PRTN3: variants seen among roughly 807,000 people sequenced by gnomAD.
PRTN3 encodes the protein proteinase 3.
Under a neutral mutation model 20.7 loss-of-function variants are expected in PRTN3, and 22 were observed. That is an observed-to-expected ratio of 1.06 (90% confidence interval 0.76 to 1.52). The LOEUF (loss-of-function observed/expected upper bound fraction) is 1.52. Among genes scored for constraint, PRTN3 ranks in the 40% most tolerant of loss-of-function variants. The probability of loss-of-function intolerance (pLI) is 0.00; values close to 1 mark genes in which losing one functional copy is unlikely to be tolerated. For missense variants in PRTN3, 378 were observed against 359.6 expected, an observed-to-expected ratio of 1.05 and a Z score of -0.41; for synonymous variants, 173 against 152.9, an observed-to-expected ratio of 1.13 and a Z score of -0.97.
At chr19:846,021 C>A in intron 3 of PRTN3, 126 bp from the exon 4 acceptor site, 1 of 600,434 alleles carries the variant, frequency 1.7e-6, no homozygotes, top group Non-Finnish European at 2.8e-6. Context: ...TCGTGGGGCC[C>A]AGGCGGAGGG....
Position 846,359 on chromosome 19 carries a change from C to T in PRTN3, c.582C>T (p.Arg194=). 6.4e-7 allele frequency: 1 copy of T among 1,558,374 alleles called. No individual in the cohort carries two copies. Among genetic ancestry groups the T allele is most frequent in the Non-Finnish European group, 8.7e-7 (1 of 1,152,042 alleles). ...ACATTTGCACTTTCGTCCCTCGCCG[C>T]AAGGCCGGCATCTGCTTCGTAAGTA... ...PHNICTFVPR[R]KAGICFGDSG... The change falls in exon 4 of 5, where the codon CGC becomes CGT. Residue 194 remains arginine, a synonymous_variant. Coordinates refer to ENST00000234347, the MANE Select transcript of PRTN3 (RefSeq NM_002777.4).
At chr19:845,173 C>T (rs1290384778) in intron 3 of PRTN3, among the ~76,000 whole-genome samples, 1 of 151,884 alleles carries the variant, frequency 6.6e-6, no homozygotes, top group South Asian at 2.1e-4. Context: ...GTCTCGAACT[C>T]CTGACCTCAA....
At chr19:843,203 A>C (rs1016438966) in intron 1 of PRTN3, 1 of 516,098 alleles carries the variant, frequency 1.9e-6, no homozygotes, top group Admixed American at 3.6e-5. Context: ...GGCGTGAGCC[A>C]CTGCACCCAG....
In PRTN3 at chr19:842,751, C is replaced by T. The variant is rs2035462695; in HGVS notation, c.62-710C>T. Among the ~76,000 whole-genome samples, 8 of 151,712 alleles carry T rather than the reference C, an allele frequency of 5.3e-5. No individual in the cohort carries two copies. In the South Asian group the frequency reaches 1.5e-3, roughly 28 times the overall value. ...TACAGGCACGTGCCACCACGCCCAG[C>T]TAATGTTTGTATTTTTAGTAGAGAC... is the stretch of plus-strand genomic sequence containing the variant. On this transcript the variant is annotated intron_variant, in intron 1 of 4. Transcript: ENST00000234347.
In PRTN3 at chr19:846,268, A is replaced by G; in HGVS notation, c.491A>G (p.Asp164Gly). The G allele has an allele frequency of 1.3e-6, 2 of 1,575,380 alleles. No homozygotes were observed. Among genetic ancestry groups the G allele is most frequent in the Non-Finnish European group, 8.6e-7 (1 of 1,161,890 alleles). ...AMGWGRVGAH[D>G]PPAQVLQELN... ...GGCTGGGGCCGCGTGGGTGCCCACG[A>G]CCCCCCAGCCCAGGTCCTGCAGGAG... Residue 164 changes from aspartate to glycine, a missense_variant, in exon 4 of 5, where the codon GAC becomes GGC. Physicochemically the swap from Asp to Gly is moderately conservative, Grantham distance 94. Transcript: ENST00000234347.
Position 847,555 on chromosome 19 carries a change from A to AAGAGAG in PRTN3, c.601-222_601-217dup, listed in dbSNP as rs145629657. ...AGAAAGAAAGAAAGAAAGAAAAAGA[A>AAGAGAG]AGAGAGAGAGAGAGAGAGAGAGAGA... On this transcript the variant is annotated intron_variant, in intron 4 of 4. Coordinates refer to ENST00000234347, the MANE Select transcript of PRTN3 (RefSeq NM_002777.4). 2.7e-3 allele frequency among the ~76,000 whole-genome samples: 312 copies of AAGAGAG among 115,902 alleles called. 2 individuals are homozygous for AAGAGAG. Among genetic ancestry groups the AAGAGAG allele is most frequent in the Non-Finnish European group, 4.7e-3 (257 of 54,484 alleles). The allele number at this position is 115,902 out of a possible 152,430, so 76.0% of individuals were successfully genotyped here.
chr19:846,596 C>T (rs1240349972), intron 4 of PRTN3, among the ~76,000 whole-genome samples: 1 of 152,184 alleles, frequency 6.6e-6, no homozygotes, highest in Non-Finnish European at 1.5e-5. Flanking sequence ...GTTCCCTGCC[C>T]CCCACTCCCC....
chr19:842,006 C>T (rs1441817979), intron 1 of PRTN3, among the ~76,000 whole-genome samples: 1 of 148,420 alleles, frequency 6.7e-6, no homozygotes, highest in Non-Finnish European at 1.5e-5. Context: ...GGATTACAGG[C>T]GTGAGCCACC....
intron 1 of PRTN3, among the ~76,000 whole-genome samples, chr19:842,412 G>GTTTTTTTT (rs2035457143): frequency 1.3e-5 from 1 of 77,372 alleles, no homozygotes; most frequent in Non-Finnish European, 2.4e-5. Flanking sequence ...CTGCGCCCAG[G>GTTTTTTTT]ATTTTTTTTT....
rs892885132 is a variant in PRTN3 at position 846,007 on chromosome 19, G to C, written c.370-140G>C. 9.4e-5 allele frequency: 53 copies of C among 566,590 alleles called. No homozygotes were observed. In the African/African-American group the frequency reaches 9.9e-4, roughly 11 times the overall value. 35.1% of individuals were successfully genotyped at this position (566,590 alleles called of 1,614,324 possible). On this transcript the variant is annotated intron_variant, in intron 3 of 4. Coordinates refer to ENST00000234347, the MANE Select transcript of PRTN3 (RefSeq NM_002777.4). ...TACAATAGTGACAAATGGGACAAAGGGGGTCGTGGGGCCCAGGCGGAGGGA... is the reference window on the plus strand; with the variant it reads ...TACAATAGTGACAAATGGGACAAAGCGGGTCGTGGGGCCCAGGCGGAGGGA...
chr19:846,975 G>T (rs146077013), intron 4 of PRTN3, among the ~76,000 whole-genome samples: 1,715 of 152,128 alleles, frequency 0.011, 40 homozygotes, highest in African/African-American at 0.039. Flanking sequence ...TGAACTCCTG[G>T]CATCAAGTGA....
chr19:841,814 G>A (rs12986070), intron 1 of PRTN3, among the ~76,000 whole-genome samples: 46,212 of 123,380 alleles, frequency 0.37, 9,205 homozygotes, highest in Admixed American at 0.48. Flanking sequence ...TGCAAGCTCA[G>A]CCTCCCGGGT....
intron 1 of PRTN3, among the ~76,000 whole-genome samples, chr19:842,586 A>ATT (rs71174326): frequency 0.029 from 1,910 of 65,450 alleles, 318 homozygotes; most frequent in African/African-American, 0.13. Context: ...CACCTGGCTA[A>ATT]TTTTTTTTTT....
chr19:846,883 C>A (rs1457977442), intron 4 of PRTN3, among the ~76,000 whole-genome samples: 2 of 152,138 alleles, frequency 1.3e-5, no homozygotes, highest in African/African-American at 4.8e-5. Flanking sequence ...ACTAGGTGCA[C>A]AGGTACCTGC....
rs1334988482 is a variant in PRTN3, at chr19:846,117, C to T, written c.370-30C>T. On this transcript the variant is annotated intron_variant, in intron 3 of 4. Coordinates refer to ENST00000234347, the MANE Select transcript of PRTN3 (RefSeq NM_002777.4). Reference sequence around the variant, plus strand: ...GGCGGCCACCGTGACCTGGAAGCAGCGTCTCACCGCCGCCTGCCTTCTGCC... The same window carrying T: ...GGCGGCCACCGTGACCTGGAAGCAGTGTCTCACCGCCGCCTGCCTTCTGCC... 27 of 1,393,898 alleles carry T rather than the reference C, an allele frequency of 1.9e-5. 1 individual carries two copies. The highest frequency in any genetic ancestry group is 1.3e-4 in the Admixed American group (4 of 31,834). 86.3% of individuals were successfully genotyped at this position (1,393,898 alleles called of 1,614,324 possible).
At chr19:843,122 C>T (rs2035465988) in intron 1 of PRTN3, among the ~76,000 whole-genome samples, 1 of 151,630 alleles carries the variant, frequency 6.6e-6, no homozygotes, top group South Asian at 2.1e-4. Flanking sequence ...CACAATTTTG[C>T]CCAGGCTGGT....
chr19:844,104 C>T, intron 3 of PRTN3, 70 bp downstream of exon 3: 3 of 1,511,700 alleles, frequency 2.0e-6, no homozygotes, highest in East Asian at 2.4e-5. Context: ...ATTCCTGCAG[C>T]CAGCATTCAT....
At chr19:844,825 G>A (rs1340698286) in intron 3 of PRTN3, among the ~76,000 whole-genome samples, 2 of 152,176 alleles carry the variant, frequency 1.3e-5, no homozygotes, top group East Asian at 3.9e-4. Flanking sequence ...CTTGGGGCTG[G>A]GCACTGTGGC....
Position 846,006 on chromosome 19 carries a change from G to C in PRTN3, c.370-141G>C, listed in dbSNP as rs2035510646. On this transcript the variant is annotated intron_variant, in intron 3 of 4. Transcript: ENST00000234347. ...ATACAATAGTGACAAATGGGACAAA[G>C]GGGGTCGTGGGGCCCAGGCGGAGGG... 7.1e-6 allele frequency: 4 copies of C among 566,398 alleles called. No individual in the cohort carries two copies. In the East Asian group the frequency reaches 9.5e-5, roughly 13 times the overall value. The allele number at this position is 566,398 out of a possible 1,614,324, so 35.1% of individuals were successfully genotyped here.
Sources: gnomAD v4.1 joint callset for allele counts (sites outside exome capture counted in the v4.1 genomes callset) on GRCh38, gnomAD v4.1.1 for gene constraint, MANE v1.5 for transcripts, NCBI Gene and HGNC (gene_info 2026-07-23, HGNC 2026-07-21) for gene names.